The following ZNF804B variants were observed in gnomAD, a reference collection of about 807,000 sequenced individuals.
ZNF804B encodes the protein zinc finger 804B.
A neutral mutation model predicts 101.4 loss-of-function variants in ZNF804B; 80 were observed. The ratio of observed to expected loss-of-function variants is 0.79; its 90% CI spans 0.66 to 0.95. The LOEUF is 0.95. Among genes scored for constraint, ZNF804B ranks in the 40% least tolerant of loss-of-function variants. ZNF804B has a pLI of 0.00. For synonymous variants in ZNF804B, 622 were observed against 558.8 expected (o/e 1.11, Z -1.59); for missense variants, 1,673 against 1,561.9 (o/e 1.07, Z -1.20).
intron 1 of ZNF804B, among the ~76,000 whole-genome samples, chr7:89,020,996 G>A (rs1788658246): frequency 6.6e-6 from 1 of 151,894 alleles, no homozygotes; most frequent in Non-Finnish European, 1.5e-5. Flanking sequence ...GAAAATTACT[G>A]TGTTCTTTTG....
At chr7:88,846,935 T>C (rs929745759) in intron 1 of ZNF804B, among the ~76,000 whole-genome samples, 7 of 149,564 alleles carry the variant, frequency 4.7e-5, no homozygotes, top group Admixed American at 6.7e-5. Context: ...TAAATGTGTA[T>C]ACACACACAC....
intron 1 of ZNF804B, among the ~76,000 whole-genome samples, chr7:88,923,167 A>T (rs976757933): frequency 6.6e-6 from 1 of 152,022 alleles, no homozygotes; most frequent in Non-Finnish European, 1.5e-5. Context: ...ACGTGAGCTG[A>T]CTCACAGCAT....
At chr7:88,903,591 T>C (rs561816985) in intron 1 of ZNF804B, among the ~76,000 whole-genome samples, 1 of 152,282 alleles carries the variant, frequency 6.6e-6, no homozygotes, top group Admixed American at 6.5e-5. Flanking sequence ...AATCATTCCC[T>C]TTTCTCCATA....
chr7:89,165,297 T>C lies in ZNF804B; in HGVS notation c.109-52858T>C, dbSNP rs182327533. Among the ~76,000 whole-genome samples, 5 of 152,194 alleles carry C rather than the reference T, an allele frequency of 3.3e-5. No homozygotes were observed. In the East Asian group the frequency reaches 9.7e-4, roughly 29 times the overall value. On this transcript the variant is annotated intron_variant, in intron 1 of 3. Transcript: ENST00000333190. ...TGTTCTGCTGATGAGACATGAACTA[T>C]ACAGATGGTGATATGTCTGGGGTTT...
At chr7:89,134,009 T>A (rs747115949) in intron 1 of ZNF804B, among the ~76,000 whole-genome samples, 2 of 152,056 alleles carry the variant, frequency 1.3e-5, no homozygotes, top group Non-Finnish European at 2.9e-5. Flanking sequence ...TGAAAGTGGA[T>A]TACTCCTTTT....
chr7:89,298,216 GTATA>G (rs1171165341), intron 2 of ZNF804B, among the ~76,000 whole-genome samples: 1,212 of 27,434 alleles, frequency 0.044, 19 homozygotes, highest in Non-Finnish European at 0.049. Flanking sequence ...GTGTGTGTGT[GTATA>G]TATATATATA....
chr7:88,902,393 C>T (rs1333273436), intron 1 of ZNF804B, among the ~76,000 whole-genome samples: 2 of 151,954 alleles, frequency 1.3e-5, no homozygotes, highest in East Asian at 1.9e-4. Context: ...TACATTTGCT[C>T]ACTTTACAAA....
chr7:89,019,026 C>T lies in ZNF804B; in HGVS notation c.109-199129C>T, dbSNP rs369231550. On this transcript the variant is annotated intron_variant, in intron 1 of 3. Coordinates refer to ENST00000333190, the MANE Select transcript of ZNF804B (RefSeq NM_181646.5). ...CTTCTCATTTCATTCTACCAGTTTT[C>T]GGTTTGCTTTATTCTTGCTTTTCTA... is the stretch of plus-strand genomic sequence containing the variant. 4.0e-5 allele frequency among the ~76,000 whole-genome samples: 6 copies of T among 151,838 alleles called. No individual in the cohort carries two copies. In the East Asian group the frequency reaches 5.8e-4, roughly 15 times the overall value.
chr7:88,837,099 A>G (rs1791224807), intron 1 of ZNF804B, among the ~76,000 whole-genome samples: 1 of 151,940 alleles, frequency 6.6e-6, no homozygotes, highest in Non-Finnish European at 1.5e-5. Context: ...GTTGCCCCCA[A>G]AAAAGCACTT....
chr7:88,952,224 A>G (rs1277868502), intron 1 of ZNF804B, among the ~76,000 whole-genome samples: 1 of 151,724 alleles, frequency 6.6e-6, no homozygotes, highest in Non-Finnish European at 1.5e-5. Context: ...CCATATTCAC[A>G]TTGTGAGAAT....
At chr7:89,161,303 A>G (rs28666029) in intron 1 of ZNF804B, among the ~76,000 whole-genome samples, 45 of 151,862 alleles carry the variant, frequency 3.0e-4, no homozygotes, top group African/African-American at 1.0e-3. Flanking sequence ...ACTTATATAT[A>G]CTAGATTTGG....
chr7:88,818,297 C>A (rs1268380478), intron 1 of ZNF804B, among the ~76,000 whole-genome samples: 1 of 152,054 alleles, frequency 6.6e-6, no homozygotes, highest in Non-Finnish European at 1.5e-5. Context: ...CACCAAAAAT[C>A]TCGAGTTGGC....
At chr7:88,822,821 C>T (rs7802143) in intron 1 of ZNF804B, among the ~76,000 whole-genome samples, 2 of 152,006 alleles carry the variant, frequency 1.3e-5, no homozygotes, top group Non-Finnish European at 2.9e-5. Flanking sequence ...ATTATTTTGA[C>T]AGAGTCCTCT....
chr7:88,821,387 A>G (rs1354730631), intron 1 of ZNF804B, among the ~76,000 whole-genome samples: 2 of 152,342 alleles, frequency 1.3e-5, no homozygotes, highest in East Asian at 3.9e-4. Context: ...CGATATTTTC[A>G]GTTGTTTTTC....
chr7:89,045,485 T>C (rs999097298), intron 1 of ZNF804B, among the ~76,000 whole-genome samples: 3 of 152,130 alleles, frequency 2.0e-5, no homozygotes, highest in African/African-American at 7.2e-5. Context: ...TCAATGTCAG[T>C]CATGAAGGCA....
chr7:89,173,074 C>T (rs1401327516), intron 1 of ZNF804B, among the ~76,000 whole-genome samples: 1 of 152,030 alleles, frequency 6.6e-6, no homozygotes, highest in African/African-American at 2.4e-5. Context: ...TGAATTAATC[C>T]TTTGAACCTT....
intron 1 of ZNF804B, among the ~76,000 whole-genome samples, chr7:89,101,118 T>G (rs1441187879): frequency 6.6e-6 from 1 of 152,036 alleles, no homozygotes; most frequent in East Asian, 1.9e-4. Context: ...AAGAAATCAT[T>G]TAATGTAGCA....
chr7:88,921,670 T>C lies in ZNF804B; in HGVS notation c.108+161586T>C, dbSNP rs567081618. Among the ~76,000 whole-genome samples the C allele has an allele frequency of 3.3e-5, 5 of 152,080 alleles. No homozygotes were observed. The South Asian group carries it at 6.2e-4, about 19-fold the overall frequency. ...TGAGAATGATTACTAGCATGTTTACTAGAGGGTGAGACTAGGTTAACCTGC... is the reference window on the plus strand; with the variant it reads ...TGAGAATGATTACTAGCATGTTTACCAGAGGGTGAGACTAGGTTAACCTGC... On this transcript the variant is annotated intron_variant, in intron 1 of 3. Transcript: ENST00000333190.
intron 1 of ZNF804B, among the ~76,000 whole-genome samples, chr7:89,012,697 A>G (rs1300288957): frequency 6.6e-6 from 1 of 152,122 alleles, no homozygotes; most frequent in Non-Finnish European, 1.5e-5. Flanking sequence ...GGAAGTTCCA[A>G]ACTTTCCCAT....
Sources: gnomAD v4.1 joint callset for allele counts (sites outside exome capture counted in the v4.1 genomes callset) on GRCh38, gnomAD v4.1.1 for gene constraint, MANE v1.5 for transcripts, NCBI Gene and HGNC (gene_info 2026-07-23, HGNC 2026-07-21) for gene names.